Variants in THSD7B observed in about 807,000 individuals in gnomAD.
The protein encoded by THSD7B is thrombospondin type-1 domain-containing protein 7B.
Under a neutral mutation model 213.6 loss-of-function variants are expected in THSD7B, and 138 were observed. The ratio of observed to expected loss-of-function variants is 0.65; its 90% CI spans 0.56 to 0.74. The LOEUF (loss-of-function observed/expected upper bound fraction) is 0.74, where lower values mean the gene tolerates loss of function less well. THSD7B is among the 30% of genes least tolerant of loss of function. The pLI is 0.00. For missense variants in THSD7B, 1,931 were observed against 1,991.5 expected, an observed-to-expected ratio of 0.97 and a Z score of 0.58; for synonymous variants, 742 against 687.0, an observed-to-expected ratio of 1.08 and a Z score of -1.25.
intron 12 of THSD7B, among the ~76,000 whole-genome samples, chr2:137,290,130 T>C (rs1573937564): frequency 2.0e-5 from 3 of 146,582 alleles, no homozygotes; most frequent in African/African-American, 7.4e-5. Context: ...TTTTTTTTTT[T>C]AGATGGAGTC....
chr2:137,337,025 CT>C (rs534161554), intron 12 of THSD7B, among the ~76,000 whole-genome samples: 17 of 151,486 alleles, frequency 1.1e-4, no homozygotes, highest in Non-Finnish European at 1.8e-4. Flanking sequence ...TTGTTAACAT[CT>C]TATGTGAGAA....
intron 2 of THSD7B, among the ~76,000 whole-genome samples, chr2:136,998,074 G>A (rs989351148): frequency 5.9e-5 from 9 of 152,034 alleles, no homozygotes; most frequent in African/African-American, 2.2e-4. Context: ...TGGAGACACT[G>A]ACCACAGACC....
chr2:137,494,911 A>C (rs1337767006), intron 15 of THSD7B, among the ~76,000 whole-genome samples: 1 of 152,148 alleles, frequency 6.6e-6, no homozygotes, highest in African/African-American at 2.4e-5. Flanking sequence ...TAACTCCTAC[A>C]CATGCTTTAA....
At position 136,806,371 on chromosome 2, in the gene THSD7B, G is replaced by A. The variant is rs549542704; in HGVS notation, c.-36+40684G>A. ...ATCTATATTTCTCTGTCTGTAAAAT[G>A]TGAGAAAAACACTCAGCTCCTCAGG... On this transcript the variant is annotated intron_variant, in intron 1 of 27. Transcript: ENST00000409968. 2.1e-4 allele frequency among the ~76,000 whole-genome samples: 32 copies of A among 152,282 alleles called. No homozygotes were observed. In the South Asian group the frequency reaches 4.1e-3, roughly 20 times the overall value.
intron 27 of THSD7B, among the ~76,000 whole-genome samples, chr2:137,673,691 G>C (rs1185107168): frequency 6.6e-6 from 1 of 152,186 alleles, no homozygotes; most frequent in Admixed American, 6.6e-5. Flanking sequence ...TTGCCCCTCA[G>C]CTCCTCCTCC....
At chr2:136,906,936 G>GTTTTTTTTTTTTTTTTTTT (rs57887270) in intron 2 of THSD7B, among the ~76,000 whole-genome samples, 7 of 55,128 alleles carry the variant, frequency 1.3e-4, no homozygotes, top group African/African-American at 5.3e-4. Flanking sequence ...ACATTTCAAG[G>GTTTTTTTTTTTTTTTTTTT]TTTTTTTTTT....
chr2:137,431,696 C>A (rs982408239), intron 14 of THSD7B, among the ~76,000 whole-genome samples: 1 of 152,036 alleles, frequency 6.6e-6, no homozygotes, highest in Non-Finnish European at 1.5e-5. Flanking sequence ...ACACCCCGGA[C>A]CCCATAGATA....
At chr2:137,110,255 C>T (rs1340582463) in intron 4 of THSD7B, among the ~76,000 whole-genome samples, 3 of 152,114 alleles carry the variant, frequency 2.0e-5, no homozygotes, top group South Asian at 2.1e-4. Context: ...CTGTTGTCCT[C>T]GGTGCTTAGC....
chr2:137,173,234 T>A (rs189953770), intron 7 of THSD7B, among the ~76,000 whole-genome samples: 1 of 152,312 alleles, frequency 6.6e-6, no homozygotes, highest in Non-Finnish European at 1.5e-5. Context: ...GAAGAATTGG[T>A]CGAAGAGCAT....
At chr2:137,495,229 A>G (rs1281595504) in intron 15 of THSD7B, among the ~76,000 whole-genome samples, 1 of 152,180 alleles carries the variant, frequency 6.6e-6, no homozygotes, top group Non-Finnish European at 1.5e-5. Context: ...AAAATTAAAT[A>G]ATACCCAGGA....
intron 3 of THSD7B, among the ~76,000 whole-genome samples, chr2:137,090,798 A>G (rs1265627817): frequency 1.3e-5 from 2 of 152,234 alleles, no homozygotes; most frequent in Non-Finnish European, 2.9e-5. Context: ...TTCCAATTAC[A>G]CTAAAGGTTA....
chr2:137,135,439 A>G (rs984868262), intron 5 of THSD7B, among the ~76,000 whole-genome samples: 1 of 152,178 alleles, frequency 6.6e-6, no homozygotes, highest in Non-Finnish European at 1.5e-5. Context: ...GCAGCTCAGG[A>G]GCCCTTCTTT....
At chr2:137,575,541 CAGA>C (rs1247769128) in intron 17 of THSD7B, among the ~76,000 whole-genome samples, 1 of 151,912 alleles carries the variant, frequency 6.6e-6, no homozygotes, top group Admixed American at 6.6e-5. Context: ...GCAAACCATA[CAGA>C]AGAACAAATA....
intron 5 of THSD7B, among the ~76,000 whole-genome samples, chr2:137,149,943 T>G (rs1679781860): frequency 6.6e-6 from 1 of 152,152 alleles, no homozygotes; most frequent in African/African-American, 2.4e-5. Context: ...TGATTACATT[T>G]TGAAATGTGA....
intron 14 of THSD7B, among the ~76,000 whole-genome samples, chr2:137,446,857 T>G (rs1573630567): frequency 6.6e-6 from 1 of 152,100 alleles, no homozygotes; most frequent in Non-Finnish European, 1.5e-5. Context: ...GAAATGAGTT[T>G]CTTAAACATT....
chr2:137,333,792 C>T (rs1684571702), intron 12 of THSD7B, among the ~76,000 whole-genome samples: 1 of 152,142 alleles, frequency 6.6e-6, no homozygotes, highest in Non-Finnish European at 1.5e-5. Context: ...GTCCTGGTCT[C>T]CTCTAGTTAC....
At chr2:137,139,593 G>A (rs1333257435) in intron 5 of THSD7B, among the ~76,000 whole-genome samples, 1 of 152,116 alleles carries the variant, frequency 6.6e-6, no homozygotes. Context: ...TTCTAGCTAT[G>A]AAATCTTAAA....
At chr2:137,105,595 G>A (rs1278841565) in intron 4 of THSD7B, among the ~76,000 whole-genome samples, 1 of 152,140 alleles carries the variant, frequency 6.6e-6, no homozygotes, top group African/African-American at 2.4e-5. Flanking sequence ...TATTCAAATA[G>A]GAAGAGAGGA....
chr2:137,508,309 G>A (rs10928613), intron 15 of THSD7B, among the ~76,000 whole-genome samples: 77,371 of 151,030 alleles, frequency 0.51, 20,029 homozygotes, highest in East Asian at 0.7. Context: ...GGCACACTCA[G>A]GCTCACTGCA....
Sources: gnomAD v4.1 joint callset for allele counts (sites outside exome capture counted in the v4.1 genomes callset) on GRCh38, gnomAD v4.1.1 for gene constraint, MANE v1.5 for transcripts, NCBI Gene and HGNC (gene_info 2026-07-23, HGNC 2026-07-21) for gene names.